The following PRTG variants were observed in gnomAD, a reference collection of about 807,000 sequenced individuals.
The protein encoded by PRTG is protogenin.
In PRTG, 67 loss-of-function variants were observed where a neutral mutation model predicts 122.5. That is an observed-to-expected ratio of 0.55 (90% confidence interval 0.45 to 0.67). PRTG has a LOEUF of 0.67. Among genes scored for constraint, PRTG ranks in the 30% least tolerant of loss-of-function variants. The probability of loss-of-function intolerance (pLI) is 0.00; values close to 1 mark genes in which losing one functional copy is unlikely to be tolerated. For missense variants in PRTG, 1,435 were observed against 1,415.4 expected, an observed-to-expected ratio of 1.01 and a Z score of -0.22; for synonymous variants, 554 against 501.1, an observed-to-expected ratio of 1.11 and a Z score of -1.41.
rs2059125551 is a variant in PRTG at position 55,612,697 on chromosome 15, A to ATATATATATATATAT, written c.*7314_*7315insATATATATATATATA. ...TTCTCTCTTTAACTCTTTAAAAGCC[A>ATATATATATATATAT]ATATATATATATATATATATATATA... On this transcript the variant is annotated 3_prime_UTR_variant, in exon 20 of 20. Coordinates refer to ENST00000389286, the MANE Select transcript of PRTG (RefSeq NM_173814.6). 5.8e-5 allele frequency: 7 copies of ATATATATATATATAT among 120,748 alleles called. 1 individual carries two copies. The highest frequency in any genetic ancestry group is 2.8e-4 in the African/African-American group (6 of 21,352). The allele number at this position is 120,748 out of a possible 1,614,324, so 7.5% of individuals were successfully genotyped here. A position where few individuals can be genotyped will look rare whatever the true frequency, so the allele number is the denominator to read the frequency against.
At chr15:55,696,951 GC>G (rs2059635269) in intron 2 of PRTG, among the ~76,000 whole-genome samples, 1 of 152,192 alleles carries the variant, frequency 6.6e-6, no homozygotes. Flanking sequence ...TAAGAAATGT[GC>G]CCTACATGCA....
At chr15:55,685,851 T>C (rs1342324706) in intron 2 of PRTG, among the ~76,000 whole-genome samples, 1 of 152,194 alleles carries the variant, frequency 6.6e-6, no homozygotes, top group African/African-American at 2.4e-5. Flanking sequence ...AAAATCGATA[T>C]CATGAATCTA....
intron 15 of PRTG, among the ~76,000 whole-genome samples, chr15:55,629,841 T>TG (rs2059217395): frequency 1.3e-5 from 2 of 150,302 alleles, no homozygotes; most frequent in Non-Finnish European, 3.0e-5. Context: ...TTTTTTGAGA[T>TG]GGAGTCTTGC....
chr15:55,704,807 AAAGC>A (rs1265670040), intron 2 of PRTG, among the ~76,000 whole-genome samples: 1 of 152,356 alleles, frequency 6.6e-6, no homozygotes, highest in Non-Finnish European at 1.5e-5. Context: ...GTTAAATTAA[AAAGC>A]AAGCCAATTT....
chr15:55,726,606 G>A (rs2141876649), intron 2 of PRTG, among the ~76,000 whole-genome samples: 1 of 149,928 alleles, frequency 6.7e-6, no homozygotes, highest in Non-Finnish European at 1.5e-5. Context: ...ACTCCAGCCT[G>A]GGTAACAAGT....
chr15:55,710,827 G>A (rs1348675779), intron 2 of PRTG, among the ~76,000 whole-genome samples: 2 of 152,048 alleles, frequency 1.3e-5, no homozygotes, highest in African/African-American at 4.8e-5. Flanking sequence ...GAGATAAAAG[G>A]AAAAGTGAAA....
At chr15:55,667,930 A>G (rs1426061955) in intron 11 of PRTG, among the ~76,000 whole-genome samples, 1 of 152,070 alleles carries the variant, frequency 6.6e-6, no homozygotes, top group East Asian at 1.9e-4. Flanking sequence ...TACCAAAAAT[A>G]CCAAAAATTA....
At chr15:55,638,911 ATG>A (rs2059273411) in intron 13 of PRTG, among the ~76,000 whole-genome samples, 1 of 152,198 alleles carries the variant, frequency 6.6e-6, no homozygotes, top group Non-Finnish European at 1.5e-5. Flanking sequence ...TAAACTCGAA[ATG>A]TCCCAATACA....
At chr15:55,623,514 C>T (rs528705356) in intron 18 of PRTG, among the ~76,000 whole-genome samples, 8 of 151,936 alleles carry the variant, frequency 5.3e-5, no homozygotes, top group African/African-American at 1.7e-4. Flanking sequence ...CACAGTGAGC[C>T]GAGATCGTAC....
chr15:55,677,969 A>G lies in PRTG; in HGVS notation c.1209T>C (p.Ser403=). Residue 403 remains serine (S), a synonymous_variant, in exon 8 of 20, where the codon TCT becomes TCC. Transcript: ENST00000389286. ...YQCMAENSQG[S]ILSRARLTVV... ...CAGTCAGTCTGGCTCTAGATAAAAT[A>G]GATCCTTGGCTATTCTCAGCCATGC... 1 of 1,612,846 alleles carries G rather than the reference A, an allele frequency of 6.2e-7. No homozygotes were observed. Among genetic ancestry groups the G allele is most frequent in the Non-Finnish European group, 8.5e-7 (1 of 1,178,978 alleles).
At chr15:55,625,611 C>T (rs538733090) in intron 17 of PRTG, among the ~76,000 whole-genome samples, 1 of 151,140 alleles carries the variant, frequency 6.6e-6, no homozygotes, top group Admixed American at 6.6e-5. Context: ...GCCCACTATG[C>T]TCAGCTAATT....
At chr15:55,726,281 G>A (rs2031028015) in intron 2 of PRTG, among the ~76,000 whole-genome samples, 1 of 151,914 alleles carries the variant, frequency 6.6e-6, no homozygotes, top group Non-Finnish European at 1.5e-5. Context: ...TTCACCTTGT[G>A]GGCCAGGCTG....
rs369595924 is a variant in PRTG at position 55,699,055 on chromosome 15, T to A, written c.398-15124A>T. Among the ~76,000 whole-genome samples the A allele has an allele frequency of 3.2e-4, 48 of 152,296 alleles. No homozygotes were observed. In the South Asian group the frequency reaches 4.1e-3, roughly 13 times the overall value. The stretch of plus-strand genomic sequence containing the variant: ...CTAAAGAGCCTTCCCAGAATCACAG[T>A]TCAGTGTACCCCAATCCACCTTCTA... On this transcript the variant is annotated intron_variant, in intron 2 of 19. Transcript: ENST00000389286.
chr15:55,680,450 T>C, intron 5 of PRTG, 41 bp downstream of exon 5: 2 of 1,537,242 alleles, frequency 1.3e-6, no homozygotes, highest in South Asian at 1.3e-5. Context: ...TGAACAAAAT[T>C]TAAGGAAAAG....
At chr15:55,670,299 T>C (rs2059462072) in intron 11 of PRTG, among the ~76,000 whole-genome samples, 1 of 152,180 alleles carries the variant, frequency 6.6e-6, no homozygotes, top group Non-Finnish European at 1.5e-5. Flanking sequence ...CTGTGATGTA[T>C]AAGAGCATGC....
In PRTG at chr15:55,692,991, C is replaced by T. The variant is rs141057887; in HGVS notation, c.398-9060G>A. On this transcript the variant is annotated intron_variant, in intron 2 of 19. Transcript: ENST00000389286. ...CAGTAGCTAGAACTACAGGTGGATG[C>T]CACCACGGCCAGCTAATTTTTTTTT... is the stretch of plus-strand genomic sequence containing the variant. Among the ~76,000 whole-genome samples the T allele has an allele frequency of 2.4e-3, 368 of 151,848 alleles. 2 individuals carry two copies. Among genetic ancestry groups the T allele is most frequent in the Admixed American group, 4.2e-3 (64 of 15,260 alleles).
At chr15:55,672,223 T>G (rs779474695) in intron 11 of PRTG, among the ~76,000 whole-genome samples, 1 of 152,120 alleles carries the variant, frequency 6.6e-6, no homozygotes, top group Non-Finnish European at 1.5e-5. Context: ...TGGACAAAGA[T>G]AGAAAGATAC....
At position 55,615,940 on chromosome 15, in the gene PRTG, C is replaced by A. The variant is rs972816870; in HGVS notation, c.*4072G>T. 12 of 152,106 alleles carry A rather than the reference C, an allele frequency of 7.9e-5. No individual in the cohort carries two copies. The highest frequency in any genetic ancestry group is 2.7e-4 in the African/African-American group (11 of 41,430). The allele number at this position is 152,106 out of a possible 1,614,324, so 9.4% of individuals were successfully genotyped here. On this transcript the variant is annotated 3_prime_UTR_variant, in exon 20 of 20. Transcript: ENST00000389286. ...AACAATGATCCTGGGTTGTCAACCA[C>A]GAGCACATTTCTGGCAGAAGTCCTT... is the stretch of plus-strand genomic sequence containing the variant.
chr15:55,692,983 G>C (rs1226704089), intron 2 of PRTG, among the ~76,000 whole-genome samples: 1 of 151,626 alleles, frequency 6.6e-6, no homozygotes, highest in Non-Finnish European at 1.5e-5. Flanking sequence ...TAGAACTACA[G>C]GTGGATGCCA....
Sources: gnomAD v4.1 joint callset for allele counts (sites outside exome capture counted in the v4.1 genomes callset) on GRCh38, gnomAD v4.1.1 for gene constraint, MANE v1.5 for transcripts, NCBI Gene and HGNC (gene_info 2026-07-23, HGNC 2026-07-21) for gene names.